Variants in NOD2 observed in about 807,000 individuals in gnomAD.
NOD2 encodes nucleotide binding oligomerization domain containing 2, also known as nucleotide-binding oligomerization domain-containing protein 2.
In NOD2, 86 loss-of-function variants were observed where a neutral mutation model predicts 90.9. The observed-to-expected ratio is 0.95, with a 90% CI of 0.79 to 1.13. NOD2 has a LOEUF of 1.13. NOD2 is among the 50% of genes most tolerant of loss of function. NOD2 has a pLI of 0.00. For synonymous variants in NOD2, 581 were observed against 554.6 expected (o/e 1.05, Z -0.67); for missense variants, 1,238 against 1,283.8 (o/e 0.96, Z 0.55).
At chr16:50,701,467 G>A (rs986347894) in intron 2 of NOD2, among the ~76,000 whole-genome samples, 3 of 152,212 alleles carry the variant, frequency 2.0e-5, no homozygotes, top group Non-Finnish European at 4.4e-5. Context: ...ACTAAAGCTG[G>A]CTCACATGGC....
In NOD2 at chr16:50,731,883, G is replaced by C. The variant is rs1053712094; in HGVS notation, c.*64G>C. 6 of 1,264,748 alleles carry C rather than the reference G, an allele frequency of 4.7e-6. No individual in the cohort carries two copies. In the East Asian group the frequency reaches 1.2e-4, roughly 24 times the overall value. The allele number at this position is 1,264,748 out of a possible 1,614,324, so 78.3% of individuals were successfully genotyped here. A position where few individuals can be genotyped will look rare whatever the true frequency, so the allele number is the denominator to read the frequency against. ...CAGGCTGTGAGTTTGGGCCCCAGAG[G>C]CTGGGTGACATGTGTTGGCAGCCTC... On this transcript the variant is annotated 3_prime_UTR_variant, in exon 12 of 12. Coordinates refer to ENST00000647318, the MANE Select transcript of NOD2 (RefSeq NM_001370466.1).
chr16:50,718,965 GGA>G (rs1277576663), intron 6 of NOD2, among the ~76,000 whole-genome samples: 2 of 152,186 alleles, frequency 1.3e-5, no homozygotes, highest in Non-Finnish European at 2.9e-5. Flanking sequence ...CCTGAGTGAA[GGA>G]GAGAGGGAAG....
intron 11 of NOD2, 133 bp from the exon 12 acceptor site, chr16:50,731,614 T>C (rs151031891): frequency 1.4e-6 from 1 of 718,190 alleles, no homozygotes; most frequent in Non-Finnish European, 2.5e-6. Flanking sequence ...CTGACTTCCC[T>C]GCAAGAAACA....
rs139571975 is a variant in NOD2, at chr16:50,699,898, G to C, written c.403G>C (p.Val135Leu). The change falls in exon 2 of 12, where the codon GTC becomes CTC. Residue 135 changes from valine to leucine, a missense_variant. This residue lies in a region of NOD2 where 567 missense variants were observed against 577.3 expected (regional missense o/e 0.98). Transcript: ENST00000647318. ...GGACCTGGCATGGGAGCGGGGTTTC[G>C]TCAGCCAGTATGAATGTGATGAAAT... Reference protein sequence around the residue: ...MLDLAWERGFVSQYECDEIRL... With the variant: ...MLDLAWERGFLSQYECDEIRL... 1 of 1,612,356 alleles carries C rather than the reference G, an allele frequency of 6.2e-7. No individual in the cohort carries two copies.
chr16:50,719,658 G>T (rs565820198), intron 6 of NOD2: 2 of 607,538 alleles, frequency 3.3e-6, no homozygotes, highest in African/African-American at 3.6e-5. Context: ...CACCTCCCAG[G>T]ACAGCTGCCT....
intron 1 of NOD2, chr16:50,697,908 C>G (rs1963735549): frequency 6.1e-6 from 1 of 164,040 alleles, no homozygotes; most frequent in Admixed American, 6.0e-5. Context: ...ATATTTGATT[C>G]ATGAACATTC....
intron 8 of NOD2, 132 bp from the exon 9 acceptor site, chr16:50,723,167 AGC>A: frequency 1.6e-6 from 1 of 629,416 alleles, no homozygotes; most frequent in East Asian, 3.0e-5. Flanking sequence ...AAAAAGAAAG[AGC>A]ACCGCAATCA....
intron 2 of NOD2, 32 bp from the exon 3 acceptor site, chr16:50,707,823 T>A (rs1309731907): frequency 6.7e-7 from 1 of 1,495,436 alleles, no homozygotes; most frequent in South Asian, 1.1e-5. Flanking sequence ...TCAGCCTTCC[T>A]GGAAGAATAA....
chr16:50,697,467 TC>T, intron 1 of NOD2: 2 of 779,842 alleles, frequency 2.6e-6, no homozygotes, highest in East Asian at 2.7e-5. Flanking sequence ...CGGGTTTTTT[TC>T]CCCAGGACCT....
At position 50,710,213 on chromosome 16, in the gene NOD2, A is replaced by T. The variant is rs530775794; in HGVS notation, c.566-345A>T. On this transcript the variant is annotated intron_variant, in intron 3 of 11. Transcript: ENST00000647318. ...GTCATCTAGAACTCCTCCTGGTGTC[A>T]GTAATGATAACGGCAGTCACTGATG... Among the ~76,000 whole-genome samples, 8 of 152,316 alleles carry T rather than the reference A, an allele frequency of 5.3e-5. No homozygotes were observed. The South Asian group carries it at 1.2e-3, about 24-fold the overall frequency.
rs2150846604 is a variant in NOD2 at position 50,731,806 on chromosome 16, G to A, written c.3029G>A (p.Arg1010Lys). Reference protein sequence around the residue: ...EVDKLGCRDTRLLL With the variant: ...EVDKLGCRDTKLLL ...GACAAGCTCGGCTGCAGGGACACCA[G>A]ACTCTTGCTTTGAAGTCTCCGGGAG... is the stretch of plus-strand genomic sequence containing the variant. Residue 1010 changes from arginine (R) to lysine (K), a missense_variant, in exon 12 of 12, where the codon AGA becomes AAA. This residue lies in a region of NOD2 where 667 missense variants were observed against 688.7 expected (regional missense o/e 0.97). Transcript: ENST00000647318. 1 of 1,613,610 alleles carries A rather than the reference G, an allele frequency of 6.2e-7. No individual in the cohort carries two copies. Among genetic ancestry groups the A allele is most frequent in the East Asian group, 2.2e-5 (1 of 44,868 alleles).
chr16:50,725,437 T>C, intron 9 of NOD2, 52 bp from the exon 10 acceptor site: 2 of 1,409,864 alleles, frequency 1.4e-6, no homozygotes, highest in Non-Finnish European at 2.0e-6. Context: ...GAGTTCATCA[T>C]CTTCCATAAT....
intron 2 of NOD2, among the ~76,000 whole-genome samples, chr16:50,706,781 C>T (rs1964213431): frequency 6.6e-6 from 1 of 151,404 alleles, no homozygotes; most frequent in Admixed American, 6.6e-5. Context: ...ACTGCAACCT[C>T]CGCCTCCCAG....
intron 6 of NOD2, among the ~76,000 whole-genome samples, chr16:50,717,509 G>A (rs1964853569): frequency 6.6e-6 from 1 of 152,178 alleles, no homozygotes; most frequent in Admixed American, 6.5e-5. Flanking sequence ...GCTGGCCGCT[G>A]GGTTGGCCTG....
At chr16:50,722,781 G>A in intron 8 of NOD2, 76 bp downstream of exon 8, 1 of 1,352,164 alleles carries the variant, frequency 7.4e-7, no homozygotes, top group Non-Finnish European at 1.1e-6. Context: ...CAGTTCTGAA[G>A]GTCTTTGAAC....
chr16:50,715,404 A>G lies in NOD2; in HGVS notation c.2382-1183A>G, dbSNP rs77920611. Reference sequence around the variant, plus strand: ...ATGTGCACAGCCTGGTGAGGCTGATAATACTATTGTTCCCTCTTTTTTTTT... The same window carrying G: ...ATGTGCACAGCCTGGTGAGGCTGATGATACTATTGTTCCCTCTTTTTTTTT... On this transcript the variant is annotated intron_variant, in intron 4 of 11. Coordinates refer to ENST00000647318, the MANE Select transcript of NOD2 (RefSeq NM_001370466.1). Among the ~76,000 whole-genome samples, 354 of 149,344 alleles carry G rather than the reference A, an allele frequency of 2.4e-3. 1 individual carries two copies. The highest frequency in any genetic ancestry group is 8.2e-3 in the African/African-American group (331 of 40,436).
intron 2 of NOD2, among the ~76,000 whole-genome samples, chr16:50,706,143 C>G (rs1295502934): frequency 1.3e-5 from 2 of 152,150 alleles, no homozygotes; most frequent in Non-Finnish European, 2.9e-5. Context: ...GGCTTCCAAG[C>G]TGAGAGGACA....
chr16:50,723,139 GAA>G (rs59171756), intron 8 of NOD2, among the ~76,000 whole-genome samples, 160 bp from the exon 9 acceptor site: 7 of 107,842 alleles, frequency 6.5e-5, no homozygotes, highest in African/African-American at 1.4e-4. Context: ...AAAAAGGGTA[GAA>G]AAAAAAAAAA....
At position 50,725,591 on chromosome 16, in the gene NOD2, G is replaced by A. The variant is rs961840705; in HGVS notation, c.2885+19G>A. 1 of 1,588,024 alleles carries A rather than the reference G, an allele frequency of 6.3e-7. No homozygotes were observed. Among genetic ancestry groups the A allele is most frequent in the Non-Finnish European group, 8.6e-7 (1 of 1,156,360 alleles). The stretch of plus-strand genomic sequence containing the variant: ...TCCTGAAGTAAGGAACCCATAAGCA[G>A]GAAACAGGACAATAATTGCTGGCCT... On this transcript the variant is annotated intron_variant, in intron 10 of 11. Transcript: ENST00000647318.
Sources: allele counts gnomAD v4.1 joint callset (sites outside exome capture counted in the v4.1 genomes callset), GRCh38; gene constraint gnomAD v4.1.1; regional missense constraint gnomAD v4.1.1; transcripts MANE v1.5; gene names NCBI Gene and HGNC (gene_info 2026-07-23, HGNC 2026-07-21).